RHOBTB1: variants seen among roughly 807,000 people sequenced by gnomAD.
RHOBTB1 encodes rho-related BTB domain-containing protein 1.
Under a neutral mutation model 71.6 loss-of-function variants are expected in RHOBTB1, and 40 were observed. That is an observed-to-expected ratio of 0.56 (90% confidence interval 0.43 to 0.73). RHOBTB1 has a LOEUF of 0.73. Among genes scored for constraint, RHOBTB1 ranks in the 30% least tolerant of loss-of-function variants. RHOBTB1 has a pLI of 0.00. For synonymous variants in RHOBTB1, 319 were observed against 334.9 expected, an observed-to-expected ratio of 0.95 and a Z score of 0.52; for missense variants, 797 against 894.0, an observed-to-expected ratio of 0.89 and a Z score of 1.38.
intron 2 of RHOBTB1, among the ~76,000 whole-genome samples, chr10:60,966,837 C>A (rs1205686913): frequency 1.4e-5 from 2 of 147,510 alleles, no homozygotes; most frequent in East Asian, 4.0e-4. Context: ...TCCCTCCCCC[C>A]TCCCCCCACC....
the RHOBTB1 span, among the ~76,000 whole-genome samples, chr10:60,863,318 T>A: frequency 1.3e-5 from 2 of 152,224 alleles, no homozygotes; most frequent in African/African-American, 4.8e-5. Flanking sequence ...AGACGTTAAT[T>A]ACAATGAATT....
intron 2 of RHOBTB1, among the ~76,000 whole-genome samples, chr10:60,917,578 A>C (rs1353324650): frequency 6.6e-6 from 1 of 152,294 alleles, no homozygotes; most frequent in East Asian, 1.9e-4. Flanking sequence ...AGGCAGAGAC[A>C]CAAAGCTCTG....
chr10:60,889,254 C>A, intron 5 of RHOBTB1, 69 bp from the exon 6 acceptor site: 2 of 1,457,102 alleles, frequency 1.4e-6, no homozygotes, highest in Non-Finnish European at 1.8e-6. Context: ...AAGGGCCTAT[C>A]TAAGCACCTA....
At chr10:60,949,365 G>A (rs545339163) in intron 2 of RHOBTB1, among the ~76,000 whole-genome samples, 1 of 152,172 alleles carries the variant, frequency 6.6e-6, no homozygotes, top group Non-Finnish European at 1.5e-5. Context: ...GTCTTTGAAA[G>A]AATCTGTGTG....
At chr10:60,992,243 G>A (rs1316345847) in intron 1 of RHOBTB1, among the ~76,000 whole-genome samples, 1 of 152,202 alleles carries the variant, frequency 6.6e-6, no homozygotes, top group Non-Finnish European at 1.5e-5. Context: ...TTAGTAGTGG[G>A]TGAATGGGAA....
At chr10:60,963,285 T>C (rs890454645) in intron 2 of RHOBTB1, among the ~76,000 whole-genome samples, 4 of 152,168 alleles carry the variant, frequency 2.6e-5, no homozygotes, top group Non-Finnish European at 4.4e-5. Flanking sequence ...TCAATCTTTT[T>C]CTTTGCATAC....
intron 2 of RHOBTB1, among the ~76,000 whole-genome samples, chr10:60,979,656 A>C (rs149889772): frequency 2.4e-4 from 36 of 152,334 alleles, no homozygotes; most frequent in African/African-American, 8.2e-4. Context: ...GCCTGCCTGC[A>C]GCTTATGTTT....
chr10:60,970,960 T>G (rs1189622413), intron 2 of RHOBTB1, among the ~76,000 whole-genome samples: 1 of 152,064 alleles, frequency 6.6e-6, no homozygotes, highest in African/African-American at 2.4e-5. Context: ...CATTTTTATT[T>G]CGGTAAAACT....
chr10:60,923,273 A>G (rs189164803), intron 2 of RHOBTB1, among the ~76,000 whole-genome samples: 1 of 152,370 alleles, frequency 6.6e-6, no homozygotes, highest in Admixed American at 6.5e-5. Context: ...CATGCTATAT[A>G]AAACAGCAGA....
At chr10:60,988,748 T>C (rs1241615078) in intron 1 of RHOBTB1, among the ~76,000 whole-genome samples, 1 of 152,196 alleles carries the variant, frequency 6.6e-6, no homozygotes, top group Admixed American at 6.5e-5. Flanking sequence ...CTATTGTGAA[T>C]AGTGATGTGA....
At chr10:60,907,713 T>A (rs2082750205) in intron 4 of RHOBTB1, among the ~76,000 whole-genome samples, 1 of 152,188 alleles carries the variant, frequency 6.6e-6, no homozygotes, top group Non-Finnish European at 1.5e-5. Context: ...GATGACCTTT[T>A]GAAATCTCTT....
At position 60,888,514 on chromosome 10, in the gene RHOBTB1, A is replaced by T; in HGVS notation, c.1154T>A (p.Met385Lys). The T allele has an allele frequency of 6.2e-7, 1 of 1,614,106 alleles. No homozygotes were observed. The highest frequency in any genetic ancestry group is 1.1e-5 in the South Asian group (1 of 91,080). The change falls in exon 6 of 11, where the codon ATG (methionine) becomes AAG (lysine). Residue 385 changes from methionine to lysine, a missense_variant. This residue lies in a region of RHOBTB1 where 658 missense variants were observed against 681.5 expected (regional missense o/e 0.97). Transcript: ENST00000337910. ...CCGCTTTGAAATGGGGTTGACTTGC[A>T]TTTCCCTGTGCATGCCAATGAACCC... is the stretch of plus-strand genomic sequence containing the variant. ...SKGFIGMHRE[M>K]QVNPISKRMG...
At chr10:60,972,547 C>A (rs1490852433) in intron 2 of RHOBTB1, among the ~76,000 whole-genome samples, 1 of 151,822 alleles carries the variant, frequency 6.6e-6, no homozygotes, top group Non-Finnish European at 1.5e-5. Flanking sequence ...GCATGGGGGG[C>A]TAGAAGAGGG....
At chr10:60,940,546 G>A (rs1373191060) in intron 2 of RHOBTB1, among the ~76,000 whole-genome samples, 1 of 152,150 alleles carries the variant, frequency 6.6e-6, no homozygotes, top group Non-Finnish European at 1.5e-5. Flanking sequence ...ACTTTTAAAT[G>A]TCATGCCAAA....
chr10:60,861,110 G>A, the RHOBTB1 span, among the ~76,000 whole-genome samples: 12 of 152,166 alleles, frequency 7.9e-5, no homozygotes, highest in Admixed American at 7.2e-4. Context: ...CACACTGGTG[G>A]AAGAAATTTC....
intron 2 of RHOBTB1, among the ~76,000 whole-genome samples, chr10:60,982,894 C>A (rs780994737): frequency 1.3e-5 from 2 of 152,084 alleles, no homozygotes; most frequent in South Asian, 4.1e-4. Context: ...TTTCCTCTTC[C>A]GCTCCCTTCT....
rs1035244973 is a variant in RHOBTB1 at position 60,941,797 on chromosome 10, C to T, written c.-11+7G>A. On this transcript the variant is annotated splice_region_variant and intron_variant, in intron 2 of 10. Coordinates refer to ENST00000337910, the MANE Select transcript of RHOBTB1 (RefSeq NM_014836.5). ...CTATAGTCATGGGTTTGCACAAAGA[C>T]ACTGACCTGGCTTGCTGGAAGTGAA... is the stretch of plus-strand genomic sequence containing the variant. The T allele has an allele frequency of 1.3e-5, 2 of 152,530 alleles. No individual in the cohort carries two copies. Among genetic ancestry groups the T allele is most frequent in the African/African-American group, 4.8e-5 (2 of 41,422 alleles). The allele number at this position is 152,530 out of a possible 1,614,324, so 9.4% of individuals were successfully genotyped here.
intron 2 of RHOBTB1, among the ~76,000 whole-genome samples, chr10:60,929,087 G>T (rs571469872): frequency 6.6e-6 from 1 of 152,112 alleles, no homozygotes; most frequent in African/African-American, 2.4e-5. Context: ...TCCAATATGA[G>T]AATAGCAAGG....
intron 8 of RHOBTB1, 121 bp downstream of exon 8, chr10:60,877,787 C>T: frequency 1.1e-6 from 1 of 929,524 alleles, no homozygotes; most frequent in Non-Finnish European, 1.6e-6. Context: ...TCATTCTACA[C>T]AAGACAGTCC....
Sources: gnomAD v4.1 joint callset for allele counts (sites outside exome capture counted in the v4.1 genomes callset) on GRCh38, gnomAD v4.1.1 for gene constraint, gnomAD v4.1.1 regional missense constraint, MANE v1.5 for transcripts, NCBI Gene and HGNC (gene_info 2026-07-23, HGNC 2026-07-21) for gene names.